The following PTPRM variants were observed in gnomAD, a reference collection of about 807,000 sequenced individuals.
PTPRM encodes the protein protein tyrosine phosphatase receptor type M, also known as receptor-type tyrosine-protein phosphatase mu.
In PTPRM, 47 loss-of-function variants were observed where a neutral mutation model predicts 186.7. The observed-to-expected ratio is 0.25, with a 90% CI of 0.20 to 0.32. The LOEUF (loss-of-function observed/expected upper bound fraction) is 0.32. Among genes scored for constraint, PTPRM ranks in the 10% least tolerant of loss-of-function variants. The pLI is 1.00. For missense variants in PTPRM, 1,494 were observed against 1,865.0 expected, an observed-to-expected ratio of 0.80 and a Z score of 3.66; for synonymous variants, 668 against 674.9, an observed-to-expected ratio of 0.99 and a Z score of 0.16.
At chr18:7,761,269 GCTTT>G (rs2041758443) in intron 1 of PTPRM, among the ~76,000 whole-genome samples, 1 of 152,096 alleles carries the variant, frequency 6.6e-6, no homozygotes. Flanking sequence ...ATTAAAGCAT[GCTTT>G]CTTTATGGCC....
chr18:7,583,179 C>G (rs1055431416), intron 1 of PTPRM, among the ~76,000 whole-genome samples: 2 of 152,182 alleles, frequency 1.3e-5, no homozygotes, highest in East Asian at 3.9e-4. Context: ...CATTTGTGAT[C>G]TTGATTCATA....
chr18:8,284,770 A>G, intron 19 of PTPRM, among the ~76,000 whole-genome samples: 1 of 152,170 alleles, frequency 6.6e-6, no homozygotes, highest in Non-Finnish European at 1.5e-5. Context: ...TAAATAACAT[A>G]ATACTAACAA....
chr18:8,008,653 G>A (rs1024629089), intron 7 of PTPRM, among the ~76,000 whole-genome samples: 1 of 152,082 alleles, frequency 6.6e-6, no homozygotes, highest in Non-Finnish European at 1.5e-5. Context: ...AGCTTTGGAT[G>A]TGAATGTTAT....
At chr18:8,402,655 G>T (rs374063589) in intron 32 of PTPRM, among the ~76,000 whole-genome samples, 1 of 152,308 alleles carries the variant, frequency 6.6e-6, no homozygotes, top group South Asian at 2.1e-4. Flanking sequence ...AAAGCATGAT[G>T]GGAGCACTTC....
At chr18:8,235,084 G>A (rs1325723660) in intron 14 of PTPRM, among the ~76,000 whole-genome samples, 1 of 152,106 alleles carries the variant, frequency 6.6e-6, no homozygotes, top group African/African-American at 2.4e-5. Flanking sequence ...TTAGGGAAAT[G>A]CTGGCCTTTT....
At chr18:7,740,324 T>C (rs532838979) in intron 1 of PTPRM, among the ~76,000 whole-genome samples, 1 of 152,316 alleles carries the variant, frequency 6.6e-6, no homozygotes, top group East Asian at 1.9e-4. Flanking sequence ...GTAAAGAGTT[T>C]ATTGGGGCCA....
intron 22 of PTPRM, among the ~76,000 whole-genome samples, chr18:8,323,160 A>G (rs2095356026): frequency 6.6e-6 from 1 of 152,136 alleles, no homozygotes; most frequent in Non-Finnish European, 1.5e-5. Context: ...ACTTACCTCA[A>G]GAGTCAGATA....
At chr18:8,389,248 A>G (rs2095796811) in intron 31 of PTPRM, among the ~76,000 whole-genome samples, 1 of 152,192 alleles carries the variant, frequency 6.6e-6, no homozygotes, top group South Asian at 2.1e-4. Flanking sequence ...TCCCCCCGGG[A>G]TTAGCAGCTT....
intron 31 of PTPRM, among the ~76,000 whole-genome samples, chr18:8,389,539 C>CCT (rs139487878): frequency 0.033 from 4,993 of 152,308 alleles, 253 homozygotes; most frequent in African/African-American, 0.11. Flanking sequence ...CCATTTTCCA[C>CCT]TGAGAGAACC....
intron 14 of PTPRM, among the ~76,000 whole-genome samples, chr18:8,240,822 GAGAGAAAGAA>G (rs1386934869): frequency 5.9e-4 from 15 of 25,374 alleles, no homozygotes; most frequent in African/African-American, 7.6e-4. Flanking sequence ...GAGAGAGAGA[GAGAGAAAGAA>G]AGAAAGAAAG....
At chr18:8,002,961 C>A (rs1044945074) in intron 7 of PTPRM, among the ~76,000 whole-genome samples, 1 of 151,996 alleles carries the variant, frequency 6.6e-6, no homozygotes, top group African/African-American at 2.4e-5. Flanking sequence ...ACTGAAATAT[C>A]AAAGAATTCT....
chr18:8,020,465 A>T (rs1600106084), intron 7 of PTPRM, among the ~76,000 whole-genome samples: 3 of 152,320 alleles, frequency 2.0e-5, no homozygotes, highest in Admixed American at 1.3e-4. Flanking sequence ...AAAAAGTCTA[A>T]GACTTCTGTA....
chr18:7,582,542 C>T (rs989996353), intron 1 of PTPRM, among the ~76,000 whole-genome samples: 1 of 152,188 alleles, frequency 6.6e-6, no homozygotes, highest in Non-Finnish European at 1.5e-5. Context: ...TGTGAGGCTG[C>T]AGGGTCACAT....
intron 2 of PTPRM, among the ~76,000 whole-genome samples, chr18:7,856,413 A>C (rs1177838432): frequency 6.6e-6 from 1 of 152,138 alleles, no homozygotes; most frequent in African/African-American, 2.4e-5. Context: ...ACCCGTCTCT[A>C]CTTTTGTTTA....
chr18:7,927,263 C>T (rs919357767), intron 5 of PTPRM, among the ~76,000 whole-genome samples: 8 of 152,092 alleles, frequency 5.3e-5, no homozygotes, highest in African/African-American at 1.9e-4. Context: ...CTCAGGAATC[C>T]TGACAGAATG....
intron 7 of PTPRM, among the ~76,000 whole-genome samples, chr18:7,959,857 A>G (rs2053551453): frequency 6.6e-6 from 1 of 152,240 alleles, no homozygotes; most frequent in Non-Finnish European, 1.5e-5. Flanking sequence ...CAAGCTTTAT[A>G]TACATATCCA....
chr18:8,243,138 A>G (rs1456813850), intron 14 of PTPRM, among the ~76,000 whole-genome samples: 1 of 152,124 alleles, frequency 6.6e-6, no homozygotes, highest in Non-Finnish European at 1.5e-5. Context: ...TATTTATGTT[A>G]GTTTCCCTTT....
intron 2 of PTPRM, among the ~76,000 whole-genome samples, chr18:7,824,699 GA>G (rs2045391262): frequency 6.6e-6 from 1 of 151,980 alleles, no homozygotes; most frequent in Admixed American, 6.6e-5. Context: ...CTTAATAATG[GA>G]ACAAAACACC....
At chr18:7,906,999 C>A (rs1014309422) in intron 4 of PTPRM, among the ~76,000 whole-genome samples, 1 of 152,144 alleles carries the variant, frequency 6.6e-6, no homozygotes, top group Non-Finnish European at 1.5e-5. Context: ...GATATAGCTG[C>A]AAACAGGCCT....
Sources: gnomAD v4.1 joint callset for allele counts (sites outside exome capture counted in the v4.1 genomes callset) on GRCh38, gnomAD v4.1.1 for gene constraint, MANE v1.5 for transcripts, NCBI Gene and HGNC (gene_info 2026-07-23, HGNC 2026-07-21) for gene names.